Variants in MBD5 observed in about 807,000 individuals in gnomAD.
The protein encoded by MBD5 is methyl-CpG binding domain protein 5, also known as methyl-CpG-binding domain protein 5.
Under a neutral mutation model 117.3 loss-of-function variants are expected in MBD5, and 13 were observed. That is an observed-to-expected ratio of 0.11 (90% CI 0.07 to 0.18). MBD5 has a LOEUF of 0.18. Among genes scored for constraint, MBD5 ranks in the 10% least tolerant of loss-of-function variants. The probability of loss-of-function intolerance (pLI) is 1.00; values close to 1 mark genes in which losing one functional copy is unlikely to be tolerated. For missense variants in MBD5, 1,879 were observed against 2,093.8 expected (o/e 0.90, Z 2.00); for synonymous variants, 727 against 766.4 (o/e 0.95, Z 0.85).
chr2:148,495,110 T>C (rs892934801), intron 11 of MBD5, among the ~76,000 whole-genome samples: 3 of 152,218 alleles, frequency 2.0e-5, no homozygotes, highest in Admixed American at 1.3e-4. Context: ...ACCTCAGTGC[T>C]GTGCTCCAGT....
intron 4 of MBD5, chr2:148,393,185 A>C (rs1447791414): frequency 6.6e-6 from 1 of 152,198 alleles, no homozygotes; most frequent in Non-Finnish European, 1.5e-5. Flanking sequence ...TATCTAAATA[A>C]AGGAAAACAA....
chr2:148,249,351 G>C (rs1700412961), intron 3 of MBD5, among the ~76,000 whole-genome samples: 1 of 151,968 alleles, frequency 6.6e-6, no homozygotes, highest in Non-Finnish European at 1.5e-5. Context: ...TTGACCACCT[G>C]CCTACCCATA....
At chr2:148,426,443 C>A (rs1401170742) in intron 4 of MBD5, among the ~76,000 whole-genome samples, 3 of 151,816 alleles carry the variant, frequency 2.0e-5, no homozygotes, top group Admixed American at 2.0e-4. Flanking sequence ...GGTACTGGTA[C>A]CAAAACAGAG....
intron 1 of MBD5, chr2:148,028,230 T>A (rs896195541): frequency 6.6e-6 from 1 of 152,070 alleles, no homozygotes; most frequent in African/African-American, 2.4e-5. Context: ...TTTAAAGGAC[T>A]AATATGAGTT....
At position 148,489,540 on chromosome 2, in the gene MBD5, A is replaced by G. The variant is rs966857612; in HGVS notation, c.3908A>G (p.Gln1303Arg). Residue 1303 changes from glutamine (Q) to arginine (R), a missense_variant, in exon 11 of 14, where the codon CAG becomes CGG. Around this residue, in one of 4 missense-constraint regions of MBD5, gnomAD observed 1,666 missense variants for 1,792.2 expected, o/e 0.93. Transcript: ENST00000642680. ...QPRIDPSLGQ[Q>R]VKDGLVVGGP... is the part of the protein sequence containing the mutation. The stretch of plus-strand genomic sequence containing the variant: ...AGGATTGACCCATCTCTTGGTCAAC[A>G]GGTGAAGGATGGCCTCGTTGTGGGT... The G allele has an allele frequency of 1.9e-6, 3 of 1,614,094 alleles. No homozygotes were observed.
chr2:148,158,823 C>T (rs1446596705), intron 1 of MBD5, among the ~76,000 whole-genome samples: 3 of 152,162 alleles, frequency 2.0e-5, no homozygotes, highest in East Asian at 1.9e-4. Flanking sequence ...GGGTTCAAGT[C>T]ATTCTCCTGC....
chr2:148,040,039 G>A (rs993933813), intron 1 of MBD5, among the ~76,000 whole-genome samples: 2 of 151,964 alleles, frequency 1.3e-5, no homozygotes, highest in East Asian at 3.9e-4. Flanking sequence ...AAAATTAAGG[G>A]CGGGAGGAGG....
chr2:148,196,371 A>G (rs950913527), intron 2 of MBD5: 2 of 152,066 alleles, frequency 1.3e-5, no homozygotes, highest in African/African-American at 4.8e-5. Context: ...ATTTTAAAAT[A>G]TTTTTGTGCC....
At chr2:148,327,021 G>A (rs1325599490) in intron 3 of MBD5, among the ~76,000 whole-genome samples, 1 of 151,762 alleles carries the variant, frequency 6.6e-6, no homozygotes, top group South Asian at 2.1e-4. Context: ...AGCTCTTTTA[G>A]GGAAGGCCTG....
chr2:148,247,086 G>A (rs1277698909), intron 3 of MBD5, among the ~76,000 whole-genome samples: 1 of 151,972 alleles, frequency 6.6e-6, no homozygotes, highest in African/African-American at 2.4e-5. Flanking sequence ...ATTGTCTAGA[G>A]TTTTTCTCTC....
At chr2:148,096,407 T>C (rs1329683732) in intron 1 of MBD5, among the ~76,000 whole-genome samples, 1 of 151,830 alleles carries the variant, frequency 6.6e-6, no homozygotes, top group Non-Finnish European at 1.5e-5. Context: ...AACAAAAAAT[T>C]ATCCAGTCCA....
At chr2:148,163,602 A>T (rs1574084385) in intron 1 of MBD5, among the ~76,000 whole-genome samples, 1 of 152,064 alleles carries the variant, frequency 6.6e-6, no homozygotes, top group East Asian at 1.9e-4. Context: ...TGTAGTACAG[A>T]TGGGGTTTCT....
chr2:148,449,087 C>T (rs963162473), intron 4 of MBD5, among the ~76,000 whole-genome samples: 4 of 152,014 alleles, frequency 2.6e-5, no homozygotes, highest in Non-Finnish European at 4.4e-5. Flanking sequence ...TGGTATAACT[C>T]GTTGCTATTC....
chr2:148,297,336 T>A (rs1277193225), intron 3 of MBD5, among the ~76,000 whole-genome samples: 1 of 152,214 alleles, frequency 6.6e-6, no homozygotes, highest in African/African-American at 2.4e-5. Context: ...CAAAATCTAT[T>A]CACCACCTAT....
At chr2:148,178,519 A>G (rs1698440472) in intron 1 of MBD5, among the ~76,000 whole-genome samples, 181 bp from the exon 2 acceptor site, 2 of 152,220 alleles carry the variant, frequency 1.3e-5, no homozygotes, top group Admixed American at 1.3e-4. Flanking sequence ...TGATTCTTCT[A>G]AACGGTTAAT....
In MBD5 at chr2:148,458,192, A is replaced by G. The variant is rs546547136; in HGVS notation, c.-556-11A>G. On this transcript the variant is annotated splice_polypyrimidine_tract_variant and intron_variant, in intron 4 of 13. Coordinates refer to ENST00000642680, the MANE Select transcript of MBD5 (RefSeq NM_001378120.1). ...TAAATATACAAGTTCACATATTTACATATGTTTCAGGCTACATTATTGGAA... is the reference window on the plus strand; with the variant it reads ...TAAATATACAAGTTCACATATTTACGTATGTTTCAGGCTACATTATTGGAA... The G allele has an allele frequency of 2.5e-6, 1 of 400,234 alleles. No homozygotes were observed. The highest frequency in any genetic ancestry group is 1.2e-4 in the South Asian group (1 of 8,030). 24.8% of individuals were successfully genotyped at this position (400,234 alleles called of 1,614,324 possible).
intron 8 of MBD5, among the ~76,000 whole-genome samples, chr2:148,476,467 A>G (rs1574468843): frequency 6.6e-6 from 1 of 152,184 alleles, no homozygotes; most frequent in Admixed American, 6.5e-5. Context: ...TTTTTTAATA[A>G]CAGCCATGAC....
chr2:148,058,411 G>A (rs16828185), intron 1 of MBD5, among the ~76,000 whole-genome samples: 3,979 of 151,790 alleles, frequency 0.026, 103 homozygotes, highest in African/African-American at 0.067. Flanking sequence ...TTTTTCTATC[G>A]GTCTTTTTTC....
intron 1 of MBD5, among the ~76,000 whole-genome samples, chr2:148,030,714 T>C (rs1264451176): frequency 3.9e-5 from 6 of 152,228 alleles, no homozygotes; most frequent in Non-Finnish European, 5.9e-5. Flanking sequence ...AATAAGCTTA[T>C]ATTCATGTAA....
Sources: allele counts gnomAD v4.1 joint callset (sites outside exome capture counted in the v4.1 genomes callset), GRCh38; gene constraint gnomAD v4.1.1; regional missense constraint gnomAD v4.1.1; transcripts MANE v1.5; gene names NCBI Gene and HGNC (gene_info 2026-07-23, HGNC 2026-07-21).